The following ELMO1 variants were observed in gnomAD, a reference collection of about 807,000 sequenced individuals.
ELMO1 encodes the protein engulfment and cell motility protein 1.
A neutral mutation model predicts 98.9 loss-of-function variants in ELMO1; 26 were observed. The ratio of observed to expected loss-of-function variants is 0.26; its 90% CI spans 0.19 to 0.36. The LOEUF is 0.36. Among genes scored for constraint, ELMO1 ranks in the 10% least tolerant of loss-of-function variants. The probability of loss-of-function intolerance (pLI) is 1.00; values close to 1 mark genes in which losing one functional copy is unlikely to be tolerated. For missense variants in ELMO1, 627 were observed against 935.2 expected, an observed-to-expected ratio of 0.67 and a Z score of 4.30; for synonymous variants, 346 against 346.0, an observed-to-expected ratio of 1.00 and a Z score of 0.00.
intron 16 of ELMO1, among the ~76,000 whole-genome samples, chr7:36,922,347 CA>C (rs750588423): frequency 0.11 from 9,755 of 85,508 alleles, 437 homozygotes; most frequent in African/African-American, 0.26. Flanking sequence ...CACAGACTTG[CA>C]AAAAAAAAAA....
At chr7:37,016,054 C>T (rs529563763) in intron 15 of ELMO1, among the ~76,000 whole-genome samples, 67 of 152,316 alleles carry the variant, frequency 4.4e-4, no homozygotes, top group African/African-American at 1.6e-3. Flanking sequence ...TACAAATCTT[C>T]AGCTGTACCT....
intron 16 of ELMO1, among the ~76,000 whole-genome samples, chr7:36,938,897 G>A (rs1224654028): frequency 6.6e-6 from 1 of 152,116 alleles, no homozygotes; most frequent in Non-Finnish European, 1.5e-5. Context: ...GCATGGTGGT[G>A]CATGCCTGTA....
At chr7:37,339,671 G>C (rs1430246669) in intron 2 of ELMO1, among the ~76,000 whole-genome samples, 1 of 152,080 alleles carries the variant, frequency 6.6e-6, no homozygotes, top group Non-Finnish European at 1.5e-5. Context: ...ACATCTGACA[G>C]CAACACTTCC....
intron 16 of ELMO1, chr7:36,986,229 G>A: frequency 7.1e-6 from 7 of 985,440 alleles, no homozygotes; most frequent in Non-Finnish European, 8.4e-6. Flanking sequence ...CCAATCAAAG[G>A]GCGCCTCCAT....
At chr7:37,372,141 AAGAT>A (rs1274113335) in intron 1 of ELMO1, among the ~76,000 whole-genome samples, 1 of 152,178 alleles carries the variant, frequency 6.6e-6, no homozygotes, top group Non-Finnish European at 1.5e-5. Flanking sequence ...TAAAAAAAAA[AAGAT>A]AGCACAGTTC....
intron 1 of ELMO1, among the ~76,000 whole-genome samples, chr7:37,383,055 G>T (rs1172920916): frequency 1.3e-5 from 2 of 152,102 alleles, no homozygotes. Flanking sequence ...CATTCTTTTA[G>T]ATAATCACAG....
intron 13 of ELMO1, among the ~76,000 whole-genome samples, chr7:37,143,569 T>C (rs1363460698): frequency 6.6e-6 from 1 of 150,912 alleles, no homozygotes; most frequent in African/African-American, 2.4e-5. Context: ...ACCATGCCTG[T>C]CTAATTTTTG....
At position 37,188,502 on chromosome 7, in the gene ELMO1, AATAAT is replaced by A. The variant is rs1174159361; in HGVS notation, c.1086+22879_1086+22883del. On this transcript the variant is annotated intron_variant, in intron 13 of 21. Coordinates refer to ENST00000310758, the MANE Select transcript of ELMO1 (RefSeq NM_014800.11). Reference sequence around the variant, plus strand: ...TGGAGAAAGGTAAAAAAAAAAAAAAAATAATAATAATAATAATAATAATAACTAAG... The same window carrying A: ...TGGAGAAAGGTAAAAAAAAAAAAAAAAATAATAATAATAATAATAACTAAG... 1.2e-3 allele frequency among the ~76,000 whole-genome samples: 74 copies of A among 60,280 alleles called. 2 individuals carry two copies. The highest frequency in any genetic ancestry group is 5.2e-3 in the African/African-American group (72 of 13,868). 39.5% of individuals were successfully genotyped at this position (60,280 alleles called of 152,430 possible). A position where few individuals can be genotyped will look rare whatever the true frequency, so the allele number is the denominator to read the frequency against.
At chr7:36,952,748 C>G (rs1010365461) in intron 16 of ELMO1, among the ~76,000 whole-genome samples, 2 of 151,938 alleles carry the variant, frequency 1.3e-5, no homozygotes, top group Non-Finnish European at 1.5e-5. Flanking sequence ...GAGAGGTCCA[C>G]TTACATAAGA....
intron 15 of ELMO1, among the ~76,000 whole-genome samples, chr7:37,080,739 C>T (rs1797828533): frequency 6.6e-6 from 1 of 151,276 alleles, no homozygotes; most frequent in Non-Finnish European, 1.5e-5. Context: ...GTGTGAGTCA[C>T]TGTGCCCGGC....
At chr7:37,294,281 C>T (rs188824409) in intron 4 of ELMO1, among the ~76,000 whole-genome samples, 2 of 151,692 alleles carry the variant, frequency 1.3e-5, no homozygotes, top group Admixed American at 1.3e-4. Context: ...CCCTTGAACC[C>T]GGGAGGCGGA....
intron 2 of ELMO1, among the ~76,000 whole-genome samples, chr7:37,333,803 G>GC (rs1274882245): frequency 6.6e-6 from 1 of 152,188 alleles, no homozygotes; most frequent in African/African-American, 2.4e-5. Flanking sequence ...CGGTATGAAA[G>GC]CAATGGTGCA....
At chr7:37,305,005 G>T (rs1273812800) in intron 4 of ELMO1, among the ~76,000 whole-genome samples, 2 of 152,108 alleles carry the variant, frequency 1.3e-5, no homozygotes, top group East Asian at 1.9e-4. Context: ...GAAAATATCG[G>T]CAAGGTTTCT....
intron 13 of ELMO1, among the ~76,000 whole-genome samples, chr7:37,190,309 T>C (rs781363500): frequency 6.6e-6 from 1 of 152,194 alleles, no homozygotes; most frequent in Non-Finnish European, 1.5e-5. Flanking sequence ...AATTATTTAA[T>C]AATCCCAGAC....
intron 13 of ELMO1, among the ~76,000 whole-genome samples, chr7:37,149,743 C>A (rs978964798): frequency 6.6e-6 from 1 of 152,132 alleles, no homozygotes; most frequent in African/African-American, 2.4e-5. Flanking sequence ...ATCCTCCCAG[C>A]GACCCATGAA....
chr7:37,028,153 G>A (rs1375965540), intron 15 of ELMO1, among the ~76,000 whole-genome samples: 4 of 152,074 alleles, frequency 2.6e-5, no homozygotes, highest in Non-Finnish European at 4.4e-5. Flanking sequence ...GAGGAGTAAA[G>A]GATCTTGCCC....
chr7:37,078,271 AGG>A (rs1040228413), intron 15 of ELMO1, among the ~76,000 whole-genome samples: 4 of 152,246 alleles, frequency 2.6e-5, no homozygotes, highest in Admixed American at 2.6e-4. Context: ...AAAAGTACCT[AGG>A]GCACATGAAA....
rs150690342 is a variant in ELMO1, at chr7:37,274,083, G to A, written c.193-2201C>T. Among the ~76,000 whole-genome samples the A allele has an allele frequency of 2.8e-4, 43 of 152,238 alleles. 1 individual carries two copies. In the South Asian group the frequency reaches 3.9e-3, roughly 14 times the overall value. ...TCCCCTGATGCACTGGGTCACCTCC[G>A]GAGAGAGCTAGCTCATTGTTACTAG... On this transcript the variant is annotated intron_variant, in intron 4 of 21. Coordinates refer to ENST00000310758, the MANE Select transcript of ELMO1 (RefSeq NM_014800.11).
At chr7:37,081,270 C>G (rs568986219) in intron 15 of ELMO1, among the ~76,000 whole-genome samples, 1 of 152,270 alleles carries the variant, frequency 6.6e-6, no homozygotes, top group East Asian at 1.9e-4. Context: ...ATGACCCTAT[C>G]TATAAAATGG....
Sources: allele counts gnomAD v4.1 joint callset (sites outside exome capture counted in the v4.1 genomes callset), GRCh38; gene constraint gnomAD v4.1.1; transcripts MANE v1.5; gene names NCBI Gene and HGNC (gene_info 2026-07-23, HGNC 2026-07-21).